Variants in SETD2 observed in about 807,000 individuals in gnomAD.
SETD2 encodes SET domain containing 2, histone lysine methyltransferase, also known as histone-lysine N-methyltransferase SETD2.
Under a neutral mutation model 242.1 loss-of-function variants are expected in SETD2, and 31 were observed. That is an observed-to-expected ratio of 0.13 (90% CI 0.10 to 0.17). The LOEUF (loss-of-function observed/expected upper bound fraction) is 0.17. SETD2 is among the 10% of genes least tolerant of loss of function. The pLI, the probability that SETD2 is intolerant of heterozygous loss-of-function variation, is 1.00. For missense variants in SETD2, 2,481 were observed against 3,046.3 expected (o/e 0.81, Z 4.37); for synonymous variants, 1,006 against 1,066.5 (o/e 0.94, Z 1.11).
intron 15 of SETD2, among the ~76,000 whole-genome samples, chr3:47,054,253 G>C (rs774612441): frequency 6.6e-6 from 1 of 152,176 alleles, no homozygotes; most frequent in Non-Finnish European, 1.5e-5. Context: ...TGTGATGCTT[G>C]GCTCTTAGGG....
intron 18 of SETD2, among the ~76,000 whole-genome samples, chr3:47,037,161 G>A (rs1366090938): frequency 6.9e-6 from 1 of 145,204 alleles, no homozygotes; most frequent in Admixed American, 7.2e-5. Context: ...TTAAGTTTTA[G>A]GGTAGATGTG....
At chr3:47,102,772 CAA>C (rs5848821) in intron 7 of SETD2, among the ~76,000 whole-genome samples, 12 of 97,896 alleles carry the variant, frequency 1.2e-4, no homozygotes, top group Admixed American at 2.3e-4. Context: ...CCAGCCTGGG[CAA>C]AAAAAAAAAA....
intron 9 of SETD2, among the ~76,000 whole-genome samples, chr3:47,091,613 A>AT (rs772571868): frequency 6.5e-4 from 99 of 152,256 alleles, no homozygotes; most frequent in Middle Eastern, 3.4e-3. Context: ...AAATACAAAA[A>AT]TTAGCCGGGC....
chr3:47,049,304 A>AAT lies in SETD2; in HGVS notation c.6964-2685_6964-2684dup, dbSNP rs55952850. On this transcript the variant is annotated intron_variant, in intron 15 of 20. Transcript: ENST00000409792. ...AGTTTTTTATAGAATAAGTTTTCTA[A>AAT]ATATATATATATATATATATATATA... is the stretch of plus-strand genomic sequence containing the variant. Among the ~76,000 whole-genome samples the AAT allele has an allele frequency of 7.2e-3, 775 of 107,616 alleles. 1 individual carries two copies. The highest frequency in any genetic ancestry group is 0.011 in the South Asian group (34 of 3,092). 70.6% of individuals were successfully genotyped at this position (107,616 alleles called of 152,430 possible).
At chr3:47,149,134 A>G in intron 1 of SETD2, among the ~76,000 whole-genome samples, 1 of 152,214 alleles carries the variant, frequency 6.6e-6, no homozygotes, top group East Asian at 1.9e-4. Flanking sequence ...GAAAACAAGT[A>G]ACTCAATACA....
intron 12 of SETD2, among the ~76,000 whole-genome samples, chr3:47,074,297 T>G (rs917836905): frequency 6.6e-6 from 1 of 152,226 alleles, no homozygotes; most frequent in Admixed American, 6.5e-5. Flanking sequence ...CTTGATTGCC[T>G]CAAGGAAATC....
intron 18 of SETD2, among the ~76,000 whole-genome samples, chr3:47,035,253 G>A (rs1454686706): frequency 6.6e-6 from 1 of 152,190 alleles, no homozygotes; most frequent in Non-Finnish European, 1.5e-5. Flanking sequence ...GGTGCCTGGT[G>A]CTCTTGGGTG....
At chr3:47,056,688 G>A (rs2040095551) in intron 15 of SETD2, 133 bp downstream of exon 15, 1 of 693,714 alleles carries the variant, frequency 1.4e-6, no homozygotes, top group Non-Finnish European at 2.4e-6. Context: ...TCACACAATA[G>A]ATAACCAATA....
At chr3:47,082,374 T>C (rs1374824624) in intron 12 of SETD2, among the ~76,000 whole-genome samples, 1 of 152,174 alleles carries the variant, frequency 6.6e-6, no homozygotes, top group African/African-American at 2.4e-5. Flanking sequence ...TGTCTTCATC[T>C]CCACCTTCTT....
At chr3:47,153,164 A>AT (rs2044037388) in intron 1 of SETD2, among the ~76,000 whole-genome samples, 3 of 143,362 alleles carry the variant, frequency 2.1e-5, no homozygotes, top group African/African-American at 7.4e-5. Context: ...GTGATTATCT[A>AT]ATTTTTAAAA....
At chr3:47,099,531 G>A (rs748216460) in intron 8 of SETD2, among the ~76,000 whole-genome samples, 5 of 152,078 alleles carry the variant, frequency 3.3e-5, no homozygotes, top group Non-Finnish European at 7.4e-5. Flanking sequence ...TGATATTAGC[G>A]GCCACTAATG....
intron 12 of SETD2, among the ~76,000 whole-genome samples, chr3:47,077,557 T>C (rs980105898): frequency 2.0e-5 from 3 of 152,062 alleles, no homozygotes; most frequent in African/African-American, 4.8e-5. Flanking sequence ...TGATAGATAA[T>C]AGAGTGGTGA....
At chr3:47,152,362 G>A (rs780580540) in intron 1 of SETD2, among the ~76,000 whole-genome samples, 18 of 152,172 alleles carry the variant, frequency 1.2e-4, no homozygotes, top group East Asian at 1.9e-4. Context: ...TGGAAGAGTC[G>A]TATTTTTAAC....
intron 9 of SETD2, among the ~76,000 whole-genome samples, chr3:47,091,589 C>T (rs1195451254): frequency 3.3e-5 from 5 of 152,078 alleles, no homozygotes; most frequent in Admixed American, 6.6e-5. Context: ...ACGGTGAAAC[C>T]CAGTCTCTAC....
intron 12 of SETD2, among the ~76,000 whole-genome samples, chr3:47,068,887 C>T (rs1256222246): frequency 6.6e-6 from 1 of 152,138 alleles, no homozygotes; most frequent in African/African-American, 2.4e-5. Context: ...CAACCTCCAC[C>T]TCCCAGGTTC....
At chr3:47,117,269 A>AC (rs1411277085) in intron 3 of SETD2, among the ~76,000 whole-genome samples, 27 of 140,074 alleles carry the variant, frequency 1.9e-4, no homozygotes, top group South Asian at 6.4e-4. Flanking sequence ...ACCAAAAAAA[A>AC]AAAAAAAAAA....
intron 13 of SETD2, among the ~76,000 whole-genome samples, chr3:47,063,255 T>C (rs570448470): frequency 6.6e-6 from 1 of 152,146 alleles, no homozygotes; most frequent in African/African-American, 2.4e-5. Flanking sequence ...AAAAGGAAAA[T>C]ATATCAAACC....
intron 18 of SETD2, among the ~76,000 whole-genome samples, chr3:47,028,420 G>A (rs2038604091): frequency 6.6e-6 from 1 of 152,182 alleles, no homozygotes; most frequent in Non-Finnish European, 1.5e-5. Context: ...CTAAAGTGAA[G>A]AGATATCCAT....
chr3:47,034,819 G>C (rs925742535), intron 18 of SETD2, among the ~76,000 whole-genome samples: 6 of 152,152 alleles, frequency 3.9e-5, no homozygotes, highest in Admixed American at 3.3e-4. Flanking sequence ...CCCAGGTCTG[G>C]GCATGGCATT....
Sources: gnomAD v4.1 joint callset for allele counts (sites outside exome capture counted in the v4.1 genomes callset) on GRCh38, gnomAD v4.1.1 for gene constraint, MANE v1.5 for transcripts, NCBI Gene and HGNC (gene_info 2026-07-23, HGNC 2026-07-21) for gene names.